ALG14: variants seen among roughly 807,000 people sequenced by gnomAD.
ALG14 encodes the protein UDP-N-acetylglucosamine transferase subunit ALG14.
ALG14 carries 17 observed loss-of-function variants against 22.8 expected under a neutral mutation model. The ratio of observed to expected loss-of-function variants is 0.75; its 90% confidence interval spans 0.51 to 1.12. The LOEUF (loss-of-function observed/expected upper bound fraction) is 1.12, where lower values mean the gene tolerates loss of function less well. Among genes scored for constraint, ALG14 ranks in the 50% most tolerant of loss-of-function variants. The probability of loss-of-function intolerance (pLI) is 0.00; values close to 1 mark genes in which losing one functional copy is unlikely to be tolerated. For missense variants in ALG14, 288 were observed against 271.8 expected (o/e 1.06, Z -0.42); for synonymous variants, 89 against 103.7 (o/e 0.86, Z 0.86).
At chr1:95,011,637 G>C (rs1237773349) in intron 3 of ALG14, among the ~76,000 whole-genome samples, 1 of 151,712 alleles carries the variant, frequency 6.6e-6, no homozygotes, top group East Asian at 1.9e-4. Context: ...CCGTGGCCTC[G>C]ATCTCCTGAC....
chr1:94,982,774 TA>T lies in ALG14; in HGVS notation c.*301del. 22 of 245,414 alleles carry T rather than the reference TA, an allele frequency of 9.0e-5. No individual in the cohort carries two copies. The highest frequency in any genetic ancestry group is 4.0e-4 in the East Asian group (4 of 10,006). 15.2% of individuals were successfully genotyped at this position (245,414 alleles called of 1,614,324 possible). A position where few individuals can be genotyped will look rare whatever the true frequency, so the allele number is the denominator to read the frequency against. On this transcript the variant is annotated 3_prime_UTR_variant, in exon 4 of 4. Coordinates refer to ENST00000370205, the MANE Select transcript of ALG14 (RefSeq NM_144988.4). ...CATACAAACTCTATATTTAGTTCTG[TA>T]AAAAAAATACTACTAAAACAGCCAG...
rs141374720 is a variant in ALG14, at chr1:95,031,945, A to G, written c.289-4685T>C. Among the ~76,000 whole-genome samples, 1,487 of 152,222 alleles carry G rather than the reference A, an allele frequency of 9.8e-3. 31 individuals carry two copies. The highest frequency in any genetic ancestry group is 0.034 in the African/African-American group (1,408 of 41,522). On this transcript the variant is annotated intron_variant, in intron 2 of 3. Coordinates refer to ENST00000370205, the MANE Select transcript of ALG14 (RefSeq NM_144988.4). The stretch of plus-strand genomic sequence containing the variant: ...TGCCTCAGCCTCCCAAGTAGCTGGG[A>G]CTACAGGCACGCACCACCACACCCA...
chr1:94,979,282 ACT>A lies in ALG14; in HGVS notation c.*3792_*3793del, dbSNP rs1672451955. 8.5e-6 allele frequency: 1 copy of A among 117,400 alleles called. No individual in the cohort carries two copies. The highest frequency in any genetic ancestry group is 1.0e-4 in the Admixed American group (1 of 9,776). 7.3% of individuals were successfully genotyped at this position (117,400 alleles called of 1,614,324 possible). ...ACTCCAGCCTGGGCGATGGAGCGAG[ACT>A]GTCTCGAAAAAAAAAAAAAAAAAAA... On this transcript the variant is annotated 3_prime_UTR_variant, in exon 4 of 4. Coordinates refer to ENST00000370205, the MANE Select transcript of ALG14 (RefSeq NM_144988.4).
chr1:94,986,454 G>A (rs1672643806), intron 3 of ALG14, among the ~76,000 whole-genome samples: 1 of 151,990 alleles, frequency 6.6e-6, no homozygotes, highest in Non-Finnish European at 1.5e-5. Context: ...CACTTATGTG[G>A]TTGACTGACA....
intron 3 of ALG14, among the ~76,000 whole-genome samples, chr1:95,006,999 AAT>A (rs375096975): frequency 5.3e-4 from 80 of 152,350 alleles, no homozygotes; most frequent in African/African-American, 1.7e-3. Flanking sequence ...CCAGAGCTGA[AAT>A]ATATAACTGT....
At chr1:95,065,572 G>C (rs1186250336) in intron 1 of ALG14, among the ~76,000 whole-genome samples, 1 of 152,142 alleles carries the variant, frequency 6.6e-6, no homozygotes, top group East Asian at 1.9e-4. Context: ...GCAATACTGG[G>C]AAGAAGGGTA....
intron 3 of ALG14, among the ~76,000 whole-genome samples, chr1:94,988,244 GAGA>G (rs1270917634): frequency 2.6e-5 from 4 of 152,236 alleles, no homozygotes; most frequent in African/African-American, 9.6e-5. Context: ...AAGAAAGAAA[GAGA>G]AGAAGCTTGG....
intron 2 of ALG14, among the ~76,000 whole-genome samples, chr1:95,060,115 T>C (rs1404322740): frequency 2.1e-5 from 3 of 141,030 alleles, no homozygotes; most frequent in African/African-American, 8.1e-5. Context: ...CACCCTCCTA[T>C]ACATACACAC....
chr1:94,986,120 G>C (rs558729627), intron 3 of ALG14, among the ~76,000 whole-genome samples: 2 of 152,274 alleles, frequency 1.3e-5, no homozygotes, highest in Admixed American at 6.5e-5. Context: ...TATAATGATT[G>C]GAACTGTCTT....
intron 3 of ALG14, among the ~76,000 whole-genome samples, chr1:94,997,793 C>T (rs760455383): frequency 6.6e-6 from 1 of 152,208 alleles, no homozygotes; most frequent in Non-Finnish European, 1.5e-5. Context: ...TACAGGGCTG[C>T]CTCACAATAA....
In ALG14 at chr1:95,034,800, C is replaced by T. The variant is rs183481447; in HGVS notation, c.289-7540G>A. Among the ~76,000 whole-genome samples, 191 of 152,190 alleles carry T rather than the reference C, an allele frequency of 1.3e-3. 1 individual carries two copies. Among genetic ancestry groups the T allele is most frequent in the Non-Finnish European group, 2.2e-3 (149 of 68,004 alleles). ...GTATAGCCAACTACTCATCCTGATC[C>T]ATTTCCTTTTTCTTCCTTGATTTTT... On this transcript the variant is annotated intron_variant, in intron 2 of 3. Coordinates refer to ENST00000370205, the MANE Select transcript of ALG14 (RefSeq NM_144988.4).
intron 3 of ALG14, among the ~76,000 whole-genome samples, chr1:95,009,760 A>G (rs748539494): frequency 5.3e-5 from 8 of 152,188 alleles, no homozygotes; most frequent in Non-Finnish European, 1.0e-4. Context: ...CAGAAAAAGA[A>G]CAATGGTGGA....
chr1:94,995,398 A>G (rs1224304577), intron 3 of ALG14, among the ~76,000 whole-genome samples: 1 of 152,144 alleles, frequency 6.6e-6, no homozygotes, highest in Non-Finnish European at 1.5e-5. Context: ...AAGTTGCTGT[A>G]CTCTTGGTGT....
At chr1:95,062,724 T>C (rs1351308619) in intron 2 of ALG14, among the ~76,000 whole-genome samples, 10 of 152,192 alleles carry the variant, frequency 6.6e-5, no homozygotes, top group Non-Finnish European at 1.2e-4. Flanking sequence ...GTTGATTCCA[T>C]GTCTTTGCTA....
At chr1:95,012,159 C>T (rs1673383355) in intron 3 of ALG14, among the ~76,000 whole-genome samples, 1 of 152,206 alleles carries the variant, frequency 6.6e-6, no homozygotes, top group Non-Finnish European at 1.5e-5. Context: ...TCCCCAGCTA[C>T]ATGGAACTGT....
intron 3 of ALG14, among the ~76,000 whole-genome samples, chr1:94,997,166 A>T (rs888680234): frequency 6.6e-6 from 1 of 152,178 alleles, no homozygotes; most frequent in African/African-American, 2.4e-5. Flanking sequence ...CCCTGCTAAA[A>T]GGGCATGTGA....
intron 2 of ALG14, among the ~76,000 whole-genome samples, chr1:95,057,714 G>GA (rs1437812205): frequency 2.7e-5 from 4 of 150,938 alleles, no homozygotes; most frequent in African/African-American, 9.7e-5. Flanking sequence ...TAGACAAGTA[G>GA]AAAAAAGAGA....
At position 95,021,308 on chromosome 1, in the gene ALG14, A is replaced by C. The variant is rs957157792; in HGVS notation, c.420+5821T>G. ...TCTAGAATAGGTGCTAGCACTGCCA[A>C]GATGAGTAATACACCTCACCGTTCC... On this transcript the variant is annotated intron_variant, in intron 3 of 3. Coordinates refer to ENST00000370205, the MANE Select transcript of ALG14 (RefSeq NM_144988.4). Among the ~76,000 whole-genome samples the C allele has an allele frequency of 5.9e-5, 9 of 152,194 alleles. No individual in the cohort carries two copies. The South Asian group carries it at 1.9e-3, about 31-fold the overall frequency.
intron 2 of ALG14, among the ~76,000 whole-genome samples, chr1:95,042,483 G>A (rs1320493222): frequency 6.6e-6 from 1 of 152,200 alleles, no homozygotes; most frequent in African/African-American, 2.4e-5. Context: ...CACCTATGAA[G>A]TCTTCACACT....
Sources: allele counts gnomAD v4.1 joint callset (sites outside exome capture counted in the v4.1 genomes callset), GRCh38; gene constraint gnomAD v4.1.1; transcripts MANE v1.5; gene names NCBI Gene and HGNC (gene_info 2026-07-23, HGNC 2026-07-21).